The following LAYN variants were observed in gnomAD, a reference collection of about 807,000 sequenced individuals.
LAYN encodes layilin.
A neutral mutation model predicts 43.6 loss-of-function variants in LAYN; 38 were observed. That is an observed-to-expected ratio of 0.87 (90% CI 0.67 to 1.14). The LOEUF is 1.14. Among genes scored for constraint, LAYN ranks in the 50% most tolerant of loss-of-function variants. The pLI is 0.00. For synonymous variants in LAYN, 168 were observed against 172.9 expected, an observed-to-expected ratio of 0.97 and a Z score of 0.22; for missense variants, 479 against 463.8, an observed-to-expected ratio of 1.03 and a Z score of -0.30.
chr11:111,549,408 G>A (rs112565279), intron 2 of LAYN, among the ~76,000 whole-genome samples: 1 of 152,236 alleles, frequency 6.6e-6, no homozygotes, highest in African/African-American at 2.4e-5. Context: ...AGAGATTGTG[G>A]CAAATGTCAG....
chr11:111,545,074 A>ATATATATATATATATATATATATATTTT (rs1170875315), intron 2 of LAYN, among the ~76,000 whole-genome samples: 94 of 148,370 alleles, frequency 6.3e-4, no homozygotes, highest in African/African-American at 2.3e-3. Flanking sequence ...ATATATATAT[A>ATATATATATATATATATATATATATTTT]TTTTTTACCT....
chr11:111,543,837 G>A, intron 1 of LAYN, 86 bp from the exon 2 acceptor site: 2 of 1,350,742 alleles, frequency 1.5e-6, no homozygotes, highest in Non-Finnish European at 2.0e-6. Flanking sequence ...CCTACCCAGG[G>A]ATACCTTCCT....
intron 3 of LAYN, among the ~76,000 whole-genome samples, chr11:111,554,059 G>T (rs1047474570): frequency 1.3e-5 from 2 of 152,188 alleles, no homozygotes; most frequent in Admixed American, 6.5e-5. Flanking sequence ...CTGGCCAGTG[G>T]TCTACTGAGC....
At chr11:111,554,715 G>A (rs757609196) in intron 4 of LAYN, 122 bp downstream of exon 4, 1 of 832,180 alleles carries the variant, frequency 1.2e-6, no homozygotes, top group Non-Finnish European at 2.0e-6. Context: ...TATTAACTCA[G>A]GCATTTGGGA....
chr11:111,557,252 T>C (rs967645809), intron 5 of LAYN, among the ~76,000 whole-genome samples: 1 of 152,134 alleles, frequency 6.6e-6, no homozygotes, highest in Non-Finnish European at 1.5e-5. Flanking sequence ...TTAAACTGAT[T>C]TTCATTATCA....
intron 5 of LAYN, 144 bp downstream of exon 5, chr11:111,555,434 G>A (rs1867820483): frequency 3.2e-6 from 2 of 619,380 alleles, no homozygotes; most frequent in Admixed American, 2.9e-5. Context: ...TGCAAAAGCT[G>A]TACTAAATGC....
Position 111,540,858 on chromosome 11 carries a change from C to T in LAYN, c.15C>T (p.Thr5=), listed in dbSNP as rs1591561819. 4 of 1,530,616 alleles carry T rather than the reference C, an allele frequency of 2.6e-6. No individual in the cohort carries two copies. The highest frequency in any genetic ancestry group is 3.5e-6 in the Non-Finnish European group (4 of 1,144,910). The allele number at this position is 1,530,616 out of a possible 1,614,324, so 94.8% of individuals were successfully genotyped here. The change falls in exon 1 of 7, where the codon ACC becomes ACT. Residue 5 remains threonine, a synonymous_variant. Coordinates refer to ENST00000375614, the MANE Select transcript of LAYN (RefSeq NM_178834.5). ...CGAGTCGGGCCATGAGGCCGGGAAC[C>T]GCGCTACAGGCCGTGCTGCTGGCCG... The part of the protein sequence containing the change: MRPG[T]ALQAVLLAVL...
chr11:111,547,762 C>G (rs1446766484), intron 2 of LAYN, among the ~76,000 whole-genome samples: 1 of 152,198 alleles, frequency 6.6e-6, no homozygotes, highest in East Asian at 1.9e-4. Flanking sequence ...GAACACCACT[C>G]TTGGATTCTT....
At chr11:111,555,124 C>T (rs534266355) in intron 4 of LAYN, 83 bp from the exon 5 acceptor site, 2 of 1,020,218 alleles carry the variant, frequency 2.0e-6, no homozygotes, top group Non-Finnish European at 3.0e-6. Flanking sequence ...TTTTTTGCAT[C>T]CCAATTTGAA....
intron 1 of LAYN, chr11:111,541,623 T>C (rs1388833937): frequency 5.2e-6 from 8 of 1,529,250 alleles, no homozygotes; most frequent in Non-Finnish European, 7.0e-6. Context: ...TCAGTTGTTC[T>C]GCATGTCGGG....
At position 111,541,483 on chromosome 11, in the gene LAYN, C is replaced by T; in HGVS notation, c.85+555C>T. On this transcript the variant is annotated intron_variant, in intron 1 of 6. Transcript: ENST00000375614. Reference sequence around the variant, plus strand: ...AGAGCGCTTAGAGATCGGGAAAGAACTCCAGTTAGTGTGGGACGAGCCCCA... The same window carrying T: ...AGAGCGCTTAGAGATCGGGAAAGAATTCCAGTTAGTGTGGGACGAGCCCCA... 7.3e-6 allele frequency: 10 copies of T among 1,377,720 alleles called. No individual in the cohort carries two copies. The South Asian group carries it at 1.1e-4, about 15-fold the overall frequency. The allele number at this position is 1,377,720 out of a possible 1,614,324, so 85.3% of individuals were successfully genotyped here. A position where few individuals can be genotyped will look rare whatever the true frequency, so the allele number is the denominator to read the frequency against.
chr11:111,553,429 C>T (rs144384494), intron 3 of LAYN, among the ~76,000 whole-genome samples: 2,497 of 151,872 alleles, frequency 0.016, 36 homozygotes, highest in Middle Eastern at 0.051. Context: ...GCCTGACCAA[C>T]GTGGTGAAAC....
chr11:111,551,962 C>T (rs1867751563), intron 3 of LAYN, among the ~76,000 whole-genome samples: 1 of 151,882 alleles, frequency 6.6e-6, no homozygotes, highest in Non-Finnish European at 1.5e-5. Context: ...AAAGGGGCAC[C>T]ATGCTGGCAA....
At chr11:111,541,085 G>A (rs1228545437) in intron 1 of LAYN, among the ~76,000 whole-genome samples, 157 bp downstream of exon 1, 2 of 152,254 alleles carry the variant, frequency 1.3e-5, no homozygotes, top group Non-Finnish European at 2.9e-5. Flanking sequence ...CGTTCTGGGG[G>A]CAGTCGCACG....
At chr11:111,555,822 A>G (rs1228468510) in intron 5 of LAYN, among the ~76,000 whole-genome samples, 1 of 152,146 alleles carries the variant, frequency 6.6e-6, no homozygotes, top group African/African-American at 2.4e-5. Context: ...ACTTTTAAAA[A>G]CCACTTTACT....
In LAYN at chr11:111,557,619, GT is replaced by G. The variant is rs773924993; in HGVS notation, c.739del (p.Trp247GlyfsTer35). ...LLLLVVTTVVCWVWICRKRKR... is the reference protein window; with the variant it reads ...LLLLVVTTVVXWVWICRKRKR... The stretch of plus-strand genomic sequence containing the variant: ...CTCCTTGTGGTCACCACAGTTGTAT[GT>G]TGGGTTTGGATCTGTAGAAAAAGGC... On this transcript the variant is annotated frameshift_variant, in exon 6 of 7. Coordinates refer to ENST00000375614, the MANE Select transcript of LAYN (RefSeq NM_178834.5). LOFTEE classifies it high-confidence loss of function. The G allele has an allele frequency of 6.2e-7, 1 of 1,614,060 alleles. No individual in the cohort carries two copies. Among genetic ancestry groups the G allele is most frequent in the Non-Finnish European group, 8.5e-7 (1 of 1,179,922 alleles).
rs1834512188 is a variant in LAYN at position 111,559,181 on chromosome 11, AAT to A, written c.762-911_762-910del. ...GTTTAGCAAAATATTTCCAAAAATG[AAT>A]ATGTGATTAGTAATACATGTACTCC... On this transcript the variant is annotated intron_variant, in intron 6 of 6. Coordinates refer to ENST00000375614, the MANE Select transcript of LAYN (RefSeq NM_178834.5). Among the ~76,000 whole-genome samples, 3 of 152,336 alleles carry A rather than the reference AAT, an allele frequency of 2.0e-5. No individual in the cohort carries two copies. The South Asian group carries it at 6.2e-4, about 32-fold the overall frequency.
Position 111,557,553 on chromosome 11 carries a change from A to C in LAYN, c.671A>C (p.Asn224Thr). The C allele has an allele frequency of 6.2e-7, 1 of 1,613,918 alleles. No homozygotes were observed. Among genetic ancestry groups the C allele is most frequent in the South Asian group, 1.1e-5 (1 of 91,060 alleles). Residue 224 changes from asparagine (N) to threonine (T), a missense_variant, in exon 6 of 7, where the codon AAT becomes ACT. Coordinates refer to ENST00000375614, the MANE Select transcript of LAYN (RefSeq NM_178834.5). ...TCTTTCTTTTCAGAAGCTGCCTTGA[A>C]TCTGGCCTACATCCTAATCCCCAGC... ...TFKESREAAL[N>T]LAYILIPSIP...
At chr11:111,545,085 A>G (rs1055053095) in intron 2 of LAYN, among the ~76,000 whole-genome samples, 1 of 149,158 alleles carries the variant, frequency 6.7e-6, no homozygotes, top group Non-Finnish European at 1.5e-5. Context: ...TTTTTTACCT[A>G]TTACATTTAA....
Sources: allele counts gnomAD v4.1 joint callset (sites outside exome capture counted in the v4.1 genomes callset), GRCh38; gene constraint gnomAD v4.1.1; transcripts MANE v1.5; gene names NCBI Gene and HGNC (gene_info 2026-07-23, HGNC 2026-07-21).